The following MACROD2 variants were observed in gnomAD, a reference collection of about 807,000 sequenced individuals.
The protein encoded by MACROD2 is ADP-ribose glycohydrolase MACROD2.
In MACROD2, 36 loss-of-function variants were observed where a neutral mutation model predicts 70.4. The ratio of observed to expected loss-of-function variants is 0.51; its 90% CI spans 0.39 to 0.68. The LOEUF is 0.68. Among genes scored for constraint, MACROD2 ranks in the 30% least tolerant of loss-of-function variants. MACROD2 has a pLI of 0.00. For synonymous variants in MACROD2, 172 were observed against 178.8 expected (o/e 0.96, Z 0.30); for missense variants, 496 against 538.4 (o/e 0.92, Z 0.78).
At position 14,698,766 on chromosome 20, in the gene MACROD2, G is replaced by T. The variant is rs576366875; in HGVS notation, c.418+13807G>T. On this transcript the variant is annotated intron_variant, in intron 5 of 17. Transcript: ENST00000684519. Reference sequence around the variant, plus strand: ...TATTAATTTAATTAAATAATTAAATGTAATTATTTAATTAAATAATTACAT... The same window carrying T: ...TATTAATTTAATTAAATAATTAAATTTAATTATTTAATTAAATAATTACAT... Among the ~76,000 whole-genome samples the T allele has an allele frequency of 8.1e-5, 12 of 148,980 alleles. No homozygotes were observed. In the South Asian group the frequency reaches 1.3e-3, roughly 16 times the overall value.
chr20:15,584,237 G>A (rs759490076), intron 8 of MACROD2, among the ~76,000 whole-genome samples: 7 of 152,180 alleles, frequency 4.6e-5, no homozygotes, highest in Non-Finnish European at 8.8e-5. Flanking sequence ...AGGTTTACAT[G>A]TATTTTTTAA....
At chr20:14,196,767 C>G (rs539260979) in intron 3 of MACROD2, among the ~76,000 whole-genome samples, 1 of 152,324 alleles carries the variant, frequency 6.6e-6, no homozygotes, top group East Asian at 1.9e-4. Flanking sequence ...TCTCCTCTTT[C>G]TCTGTAGAAC....
intron 3 of MACROD2, among the ~76,000 whole-genome samples, chr20:14,126,138 A>G (rs761704938): frequency 1.3e-5 from 2 of 152,098 alleles, no homozygotes; most frequent in African/African-American, 4.8e-5. Flanking sequence ...AGAAAACTTT[A>G]TTTTCTCACA....
intron 8 of MACROD2, among the ~76,000 whole-genome samples, chr20:15,729,835 T>TTTTTTTTTTTTTC (rs564130429): frequency 5.5e-5 from 7 of 127,324 alleles, no homozygotes; most frequent in South Asian, 2.7e-4. Context: ...GTCATGCTTT[T>TTTTTTTTTTTTTC]TTTTTTTTTT....
intron 3 of MACROD2, among the ~76,000 whole-genome samples, chr20:14,284,620 G>T (rs2082330007): frequency 6.6e-6 from 1 of 152,204 alleles, no homozygotes; most frequent in Non-Finnish European, 1.5e-5. Context: ...GGGTGTAGCT[G>T]CCACACCTTT....
intron 8 of MACROD2, among the ~76,000 whole-genome samples, chr20:15,505,329 G>T (rs921773145): frequency 6.6e-6 from 1 of 152,146 alleles, no homozygotes; most frequent in Non-Finnish European, 1.5e-5. Flanking sequence ...TGAGCTGGAG[G>T]ATCAGTGGAT....
intron 3 of MACROD2, among the ~76,000 whole-genome samples, chr20:14,400,308 G>A (rs971451290): frequency 6.6e-6 from 1 of 152,092 alleles, no homozygotes; most frequent in South Asian, 2.1e-4. Flanking sequence ...CCACTACTGG[G>A]TTTAATACCT....
chr20:14,231,406 T>G (rs2081811291), intron 3 of MACROD2, among the ~76,000 whole-genome samples: 2 of 152,124 alleles, frequency 1.3e-5, no homozygotes, highest in Admixed American at 1.3e-4. Flanking sequence ...TTTTTGTCCT[T>G]GCGATAGTTT....
At chr20:15,622,022 G>A (rs12480038) in intron 8 of MACROD2, among the ~76,000 whole-genome samples, 16,745 of 152,242 alleles carry the variant, frequency 0.11, 1,199 homozygotes, top group Non-Finnish European at 0.15. Flanking sequence ...TGAGAAGGCA[G>A]TGCTGGGGCT....
intron 3 of MACROD2, among the ~76,000 whole-genome samples, chr20:14,174,216 G>C (rs2081245672): frequency 6.6e-6 from 1 of 152,156 alleles, no homozygotes; most frequent in East Asian, 1.9e-4. Flanking sequence ...GTGGTGGGCA[G>C]AGCCCTAGAG....
intron 13 of MACROD2, among the ~76,000 whole-genome samples, chr20:15,982,231 A>G (rs537499530): frequency 1.3e-5 from 2 of 152,256 alleles, no homozygotes; most frequent in East Asian, 1.9e-4. Context: ...CCTGGATTAC[A>G]TACTTTGTGC....
intron 5 of MACROD2, among the ~76,000 whole-genome samples, chr20:14,915,978 C>T (rs1179278924): frequency 2.0e-5 from 3 of 152,130 alleles, no homozygotes; most frequent in African/African-American, 7.2e-5. Context: ...AAAGAGCTGT[C>T]CATTCTCAAT....
At chr20:15,867,466 A>G (rs1015174672) in intron 9 of MACROD2, among the ~76,000 whole-genome samples, 1 of 152,154 alleles carries the variant, frequency 6.6e-6, no homozygotes, top group African/African-American at 2.4e-5. Flanking sequence ...AGCTTTATGG[A>G]ATTATCATAC....
chr20:14,090,405 T>C (rs991897884), intron 3 of MACROD2, among the ~76,000 whole-genome samples: 2 of 152,024 alleles, frequency 1.3e-5, no homozygotes, highest in African/African-American at 4.8e-5. Flanking sequence ...AAACCCCGTC[T>C]CTACTGAAAA....
intron 8 of MACROD2, among the ~76,000 whole-genome samples, chr20:15,612,775 AAG>A (rs1198728757): frequency 6.6e-6 from 1 of 152,242 alleles, no homozygotes; most frequent in East Asian, 1.9e-4. Flanking sequence ...GAATGCAAAA[AAG>A]AGAAAATTTT....
At chr20:15,626,785 A>G (rs1381010112) in intron 8 of MACROD2, among the ~76,000 whole-genome samples, 3 of 151,978 alleles carry the variant, frequency 2.0e-5, no homozygotes, top group Non-Finnish European at 4.4e-5. Flanking sequence ...AACCCAGGAG[A>G]TGGAGGTTGC....
At chr20:15,725,206 G>T (rs762772655) in intron 8 of MACROD2, among the ~76,000 whole-genome samples, 20 of 152,132 alleles carry the variant, frequency 1.3e-4, no homozygotes, top group Non-Finnish European at 2.6e-4. Flanking sequence ...TGACAATATT[G>T]AGTTTTTCTG....
At chr20:15,551,860 C>A (rs556176268) in intron 8 of MACROD2, among the ~76,000 whole-genome samples, 15 of 115,686 alleles carry the variant, frequency 1.3e-4, no homozygotes, top group African/African-American at 4.8e-4. Context: ...CAGAGTGAGA[C>A]CCTGCCTCAA....
At chr20:15,155,866 C>A (rs1452641584) in intron 5 of MACROD2, among the ~76,000 whole-genome samples, 1 of 149,390 alleles carries the variant, frequency 6.7e-6, no homozygotes, top group East Asian at 2.0e-4. Flanking sequence ...AAAAAAAAAA[C>A]ATAAAATGAC....
Sources: allele counts gnomAD v4.1 joint callset (sites outside exome capture counted in the v4.1 genomes callset), GRCh38; gene constraint gnomAD v4.1.1; transcripts MANE v1.5; gene names NCBI Gene and HGNC (gene_info 2026-07-23, HGNC 2026-07-21).